KIAA2012: variants seen among roughly 807,000 people sequenced by gnomAD.
The protein encoded by KIAA2012 is KIAA2012.
Under a neutral mutation model 150.6 loss-of-function variants are expected in KIAA2012, and 125 were observed. The observed-to-expected ratio is 0.83, with a 90% CI of 0.72 to 0.96. The LOEUF is 0.96. KIAA2012 is among the 40% of genes least tolerant of loss of function. KIAA2012 has a pLI of 0.00. For synonymous variants in KIAA2012, 462 were observed against 504.7 expected (o/e 0.92, Z 1.13); for missense variants, 1,219 against 1,354.9 (o/e 0.90, Z 1.57).
At chr2:202,202,833 A>T (rs1692555875) in intron 23 of KIAA2012, among the ~76,000 whole-genome samples, 1 of 151,844 alleles carries the variant, frequency 6.6e-6, no homozygotes, top group African/African-American at 2.4e-5. Context: ...AGGAGGCTGA[A>T]GGAGGATCAC....
chr2:202,148,458 C>T (rs1234702017), intron 13 of KIAA2012, among the ~76,000 whole-genome samples: 1 of 152,160 alleles, frequency 6.6e-6, no homozygotes, highest in Non-Finnish European at 1.5e-5. Flanking sequence ...CTGTCTCCAC[C>T]GTGCCTACTT....
intron 14 of KIAA2012, 68 bp from the exon 15 acceptor site, chr2:202,165,216 A>G: frequency 7.0e-7 from 1 of 1,424,080 alleles, no homozygotes; most frequent in Non-Finnish European, 9.7e-7. Context: ...TCATGGGATC[A>G]CAGAAGTGTT....
chr2:202,145,422 TGA>T (rs1691274371), intron 13 of KIAA2012, among the ~76,000 whole-genome samples: 1 of 152,222 alleles, frequency 6.6e-6, no homozygotes, highest in Non-Finnish European at 1.5e-5. Flanking sequence ...GCTAATTTCC[TGA>T]GAGGGGTTTG....
chr2:202,086,227 C>T (rs544247479), intron 2 of KIAA2012, among the ~76,000 whole-genome samples: 1 of 150,822 alleles, frequency 6.6e-6, no homozygotes, highest in South Asian at 2.1e-4. Flanking sequence ...TAATGAGAAC[C>T]TGCAAGGGTT....
chr2:202,172,911 A>G (rs139312702), intron 15 of KIAA2012, among the ~76,000 whole-genome samples: 73 of 152,354 alleles, frequency 4.8e-4, no homozygotes, highest in African/African-American at 1.7e-3. Flanking sequence ...GCACACTGCC[A>G]GGCCCTGCTA....
At chr2:202,179,724 ATATT>A in intron 15 of KIAA2012, 1 of 659,070 alleles carries the variant, frequency 1.5e-6, no homozygotes, top group Non-Finnish European at 2.9e-6. Flanking sequence ...AGGGACAACC[ATATT>A]TATTTCAGTC....
chr2:202,078,381 T>C (rs1521888), intron 2 of KIAA2012, among the ~76,000 whole-genome samples: 93,051 of 152,060 alleles, frequency 0.61, 28,758 homozygotes, highest in Non-Finnish European at 0.63. Flanking sequence ...CTCAAACTCC[T>C]GGGCTCAAGT....
intron 4 of KIAA2012, 134 bp downstream of exon 4, chr2:202,093,319 G>A: frequency 1.1e-6 from 1 of 884,780 alleles, no homozygotes; most frequent in Non-Finnish European, 1.7e-6. Context: ...AAAATGAGGG[G>A]TTAGTGCAGA....
chr2:202,157,462 A>C (rs960890163), intron 14 of KIAA2012, among the ~76,000 whole-genome samples: 3 of 152,160 alleles, frequency 2.0e-5, no homozygotes, highest in Admixed American at 6.6e-5. Context: ...GTTGCAGGGG[A>C]TGAGGGTAGG....
chr2:202,099,595 G>GT lies in KIAA2012; in HGVS notation c.829-17dup, dbSNP rs2105920753. On this transcript the variant is annotated splice_polypyrimidine_tract_variant and intron_variant, in intron 5 of 23. Coordinates refer to ENST00000498697, the MANE Select transcript of KIAA2012 (RefSeq NM_001277372.4). ...TATGACAGCCTGTTTACAGGAATGT[G>GT]TATCTGTCGTTCCCTAGGACACGTC... 4 of 1,539,666 alleles carry GT rather than the reference G, an allele frequency of 2.6e-6. No individual in the cohort carries two copies. The East Asian group carries it at 9.8e-5, about 38-fold the overall frequency.
At chr2:202,197,128 C>T (rs1373675628) in intron 22 of KIAA2012, 109 bp downstream of exon 22, 1 of 1,491,520 alleles carries the variant, frequency 6.7e-7, no homozygotes. Context: ...GTCCCCCCAC[C>T]CCCAGCATGG....
At chr2:202,087,712 G>A (rs756631416) in intron 2 of KIAA2012, among the ~76,000 whole-genome samples, 22 of 151,948 alleles carry the variant, frequency 1.4e-4, no homozygotes, top group Non-Finnish European at 2.5e-4. Context: ...GCTTGTTAGT[G>A]CATGTTCACA....
chr2:202,102,647 C>A (rs1457352559), intron 7 of KIAA2012, among the ~76,000 whole-genome samples: 1 of 152,170 alleles, frequency 6.6e-6, no homozygotes, highest in Non-Finnish European at 1.5e-5. Context: ...TCATTTTAGT[C>A]CGGCTCAGTC....
chr2:202,171,112 TACACACAC>T (rs10532176), intron 15 of KIAA2012, among the ~76,000 whole-genome samples: 83 of 149,718 alleles, frequency 5.5e-4, no homozygotes, highest in African/African-American at 1.4e-3. Flanking sequence ...AAAGAAATAC[TACACACAC>T]ACACACACAC....
At chr2:202,204,371 C>G (rs1357171526) in intron 23 of KIAA2012, among the ~76,000 whole-genome samples, 1 of 152,182 alleles carries the variant, frequency 6.6e-6, no homozygotes, top group Non-Finnish European at 1.5e-5. Flanking sequence ...GCCGCTGTGC[C>G]TGGCCCAGGA....
At chr2:202,189,576 C>T (rs1300839030) in intron 18 of KIAA2012, among the ~76,000 whole-genome samples, 2 of 152,074 alleles carry the variant, frequency 1.3e-5, no homozygotes, top group African/African-American at 4.8e-5. Context: ...AAGTGTGAGC[C>T]ACCACGCCCG....
intron 11 of KIAA2012, among the ~76,000 whole-genome samples, chr2:202,123,916 T>C (rs1166563362): frequency 6.6e-6 from 1 of 152,050 alleles, no homozygotes; most frequent in Non-Finnish European, 1.5e-5. Flanking sequence ...CTGCTGGGCA[T>C]GGTGGCTCAC....
Position 202,194,361 on chromosome 2 carries a change from C to A in KIAA2012, c.3186C>A (p.Ala1062=). The change falls in exon 21 of 24, where the codon GCC becomes GCA. Residue 1062 remains alanine (A), a splice_region_variant and synonymous_variant. Transcript: ENST00000498697. ...RKKQQEEAER[A]EAEKQRQEEL... ...AGCAGCAGGAGGAAGCCGAGAGGGC[C>A]GGTGAGGGGGTTCTTGAGCTCTTTG... 6.5e-7 allele frequency: 1 copy of A among 1,549,578 alleles called. No homozygotes were observed.
At chr2:202,188,598 T>C (rs1692273729) in intron 18 of KIAA2012, among the ~76,000 whole-genome samples, 1 of 152,218 alleles carries the variant, frequency 6.6e-6, no homozygotes, top group Non-Finnish European at 1.5e-5. Context: ...AAGGAAGTGT[T>C]ATTATTATAT....
Sources: gnomAD v4.1 joint callset for allele counts (sites outside exome capture counted in the v4.1 genomes callset) on GRCh38, gnomAD v4.1.1 for gene constraint, MANE v1.5 for transcripts, NCBI Gene and HGNC (gene_info 2026-07-23, HGNC 2026-07-21) for gene names.